ZNRF1: variants seen among roughly 807,000 people sequenced by gnomAD.
ZNRF1 encodes the protein E3 ubiquitin-protein ligase ZNRF1.
In ZNRF1, 3 loss-of-function variants were observed where a neutral mutation model predicts 18.4. The observed-to-expected ratio is 0.16, with a 90% CI of 0.07 to 0.42. ZNRF1 has a LOEUF of 0.42. Ranked by LOEUF, ZNRF1 falls within the 10% of genes least tolerant of loss-of-function variation. ZNRF1 has a pLI of 0.99. For missense variants in ZNRF1, 310 were observed against 329.8 expected (o/e 0.94, Z 0.47); for synonymous variants, 157 against 144.2 (o/e 1.09, Z -0.64).
At chr16:75,049,099 A>G (rs1040159952) in intron 1 of ZNRF1, among the ~76,000 whole-genome samples, 1 of 151,524 alleles carries the variant, frequency 6.6e-6, no homozygotes, top group Admixed American at 6.6e-5. Flanking sequence ...CCGCCTCCAG[A>G]GTTCAAGCAA....
chr16:75,102,297 C>A (rs1039759630), intron 2 of ZNRF1, among the ~76,000 whole-genome samples: 1 of 152,144 alleles, frequency 6.6e-6, no homozygotes, highest in African/African-American at 2.4e-5. Context: ...GCCCCACAAC[C>A]CACAAGCCCA....
At chr16:75,083,597 G>A (rs912511721) in intron 1 of ZNRF1, among the ~76,000 whole-genome samples, 3 of 152,146 alleles carry the variant, frequency 2.0e-5, no homozygotes, top group Admixed American at 2.0e-4. Flanking sequence ...ATTATCATAT[G>A]GAATACAAAC....
chr16:75,073,635 T>C (rs1427169392), intron 1 of ZNRF1, among the ~76,000 whole-genome samples: 7 of 152,170 alleles, frequency 4.6e-5, no homozygotes, highest in Non-Finnish European at 1.0e-4. Context: ...TTTGTTTCTT[T>C]TTTTCTCTCA....
chr16:75,027,338 C>T (rs926613834), intron 1 of ZNRF1, among the ~76,000 whole-genome samples: 3 of 152,110 alleles, frequency 2.0e-5, no homozygotes, highest in African/African-American at 7.2e-5. Flanking sequence ...TATTAAATTG[C>T]AATCAGTTTG....
Position 75,080,889 on chromosome 16 carries a change from G to A in ZNRF1, c.425-12683G>A, listed in dbSNP as rs377060463. 2.3e-3 allele frequency among the ~76,000 whole-genome samples: 352 copies of A among 150,608 alleles called. 3 individuals carry two copies. In the South Asian group the frequency reaches 0.027, roughly 12 times the overall value. ...ACCCTGTCTCTTAAAAAATAAAAAT[G>A]AGGGCCGGGTGCAGTGGCTCACACC... is the stretch of plus-strand genomic sequence containing the variant. On this transcript the variant is annotated intron_variant, in intron 1 of 4. Transcript: ENST00000335325.
intron 1 of ZNRF1, among the ~76,000 whole-genome samples, chr16:75,020,701 C>A (rs1011914921): frequency 6.6e-6 from 1 of 152,048 alleles, no homozygotes; most frequent in African/African-American, 2.4e-5. Context: ...GCCACCACAC[C>A]CAGCTAATTT....
chr16:75,085,346 C>T (rs2036060539), intron 1 of ZNRF1, among the ~76,000 whole-genome samples: 1 of 152,166 alleles, frequency 6.6e-6, no homozygotes, highest in Non-Finnish European at 1.5e-5. Flanking sequence ...CATGTTGTTG[C>T]ATGTATCAGT....
chr16:75,089,351 C>A (rs2036109712), intron 1 of ZNRF1, among the ~76,000 whole-genome samples: 1 of 152,172 alleles, frequency 6.6e-6, no homozygotes, highest in Non-Finnish European at 1.5e-5. Context: ...TAAAGTGATC[C>A]TCCCACCATG....
At chr16:75,100,240 G>T (rs1252870148) in intron 2 of ZNRF1, among the ~76,000 whole-genome samples, 1 of 152,228 alleles carries the variant, frequency 6.6e-6, no homozygotes, top group Non-Finnish European at 1.5e-5. Context: ...AGGCCAGCTG[G>T]TAAAGGCACA....
intron 1 of ZNRF1, among the ~76,000 whole-genome samples, chr16:75,024,985 C>G (rs1410314814): frequency 6.6e-6 from 1 of 152,116 alleles, no homozygotes; most frequent in Non-Finnish European, 1.5e-5. Context: ...TGTTTCACAA[C>G]TTCTCTTTCT....
At chr16:75,068,565 A>G (rs575610548) in intron 1 of ZNRF1, among the ~76,000 whole-genome samples, 1 of 152,056 alleles carries the variant, frequency 6.6e-6, no homozygotes, top group South Asian at 2.1e-4. Context: ...AAATTCAAAT[A>G]TTTGTCCAAA....
chr16:75,037,187 C>T (rs1441228211), intron 1 of ZNRF1, among the ~76,000 whole-genome samples: 2 of 152,160 alleles, frequency 1.3e-5, no homozygotes, highest in African/African-American at 4.8e-5. Flanking sequence ...CTGTATTCAT[C>T]CAGGATCTTT....
chr16:75,000,786 T>C (rs928490275), intron 1 of ZNRF1, among the ~76,000 whole-genome samples: 1 of 152,160 alleles, frequency 6.6e-6, no homozygotes, highest in African/African-American at 2.4e-5. Flanking sequence ...TCCCTCCATC[T>C]TTTTTTCTTC....
chr16:75,101,023 T>C (rs2036248655), intron 2 of ZNRF1, among the ~76,000 whole-genome samples: 1 of 152,200 alleles, frequency 6.6e-6, no homozygotes. Context: ...AATCTCTGCC[T>C]CCCGGGTTCA....
chr16:75,106,279 C>A, intron 3 of ZNRF1: 2 of 581,816 alleles, frequency 3.4e-6, no homozygotes, highest in Non-Finnish European at 6.1e-6. Context: ...CTGCCTCCAC[C>A]TGGGCCAAGA....
rs1365004153 is a variant in ZNRF1, at chr16:75,050,883, A to C, written c.425-42689A>C. 5.6e-3 allele frequency among the ~76,000 whole-genome samples: 616 copies of C among 109,374 alleles called. 43 individuals are homozygous for C. Among genetic ancestry groups the C allele is most frequent in the Non-Finnish European group, 7.2e-3 (403 of 55,850 alleles). 71.8% of individuals were successfully genotyped at this position (109,374 alleles called of 152,430 possible). A position where few individuals can be genotyped will look rare whatever the true frequency, so the allele number is the denominator to read the frequency against. ...AAGACTCCGTCTCAAAAAAAAAAAA[A>C]AAAAACAAAAAAAAACAAAAAACTT... is the stretch of plus-strand genomic sequence containing the variant. On this transcript the variant is annotated intron_variant, in intron 1 of 4. Coordinates refer to ENST00000335325, the MANE Select transcript of ZNRF1 (RefSeq NM_032268.5).
intron 1 of ZNRF1, among the ~76,000 whole-genome samples, chr16:75,085,823 T>TGAGAGAGAGAGAGTGA (rs1175346752): frequency 4.5e-4 from 40 of 89,730 alleles, no homozygotes; most frequent in African/African-American, 1.4e-3. Flanking sequence ...AGAGAGTGAG[T>TGAGAGAGAGAGAGTGA]GTGTGTGTGT....
At chr16:75,034,356 T>C (rs1339548822) in intron 1 of ZNRF1, among the ~76,000 whole-genome samples, 1 of 152,192 alleles carries the variant, frequency 6.6e-6, no homozygotes, top group African/African-American at 2.4e-5. Flanking sequence ...GCTTGACCAC[T>C]CTTAATAACT....
Position 75,072,091 on chromosome 16 carries a change from C to T in ZNRF1, c.425-21481C>T, listed in dbSNP as rs575693738. The stretch of plus-strand genomic sequence containing the variant: ...ATAGCTGGGACTACAAAGTGCATGC[C>T]GCCACGCCCAGTTAATTTTTTTTTT... On this transcript the variant is annotated intron_variant, in intron 1 of 4. Coordinates refer to ENST00000335325, the MANE Select transcript of ZNRF1 (RefSeq NM_032268.5). 1.6e-4 allele frequency among the ~76,000 whole-genome samples: 25 copies of T among 152,056 alleles called. No individual in the cohort carries two copies. The South Asian group carries it at 2.9e-3, about 18-fold the overall frequency.
Sources: gnomAD v4.1 joint callset for allele counts (sites outside exome capture counted in the v4.1 genomes callset) on GRCh38, gnomAD v4.1.1 for gene constraint, MANE v1.5 for transcripts, NCBI Gene and HGNC (gene_info 2026-07-23, HGNC 2026-07-21) for gene names.